Variants in WAC observed in about 807,000 individuals in gnomAD.
WAC encodes WW domain containing adaptor with coiled-coil, also known as WW domain-containing adapter protein with coiled-coil.
Under a neutral mutation model 79.6 loss-of-function variants are expected in WAC, and 11 were observed. The ratio of observed to expected loss-of-function variants is 0.14; its 90% CI spans 0.09 to 0.23. The LOEUF (loss-of-function observed/expected upper bound fraction) is 0.23. Ranked by LOEUF, WAC falls within the 10% of genes least tolerant of loss-of-function variation. The probability of loss-of-function intolerance (pLI) is 1.00; values close to 1 mark genes in which losing one functional copy is unlikely to be tolerated. For synonymous variants in WAC, 304 were observed against 276.9 expected (o/e 1.10, Z -0.97); for missense variants, 728 against 773.5 (o/e 0.94, Z 0.70).
At chr10:28,535,334 GGTTT>G in intron 2 of WAC, 1 of 349,468 alleles carries the variant, frequency 2.9e-6, no homozygotes. Flanking sequence ...TAATGGAGTG[GGTTT>G]TTTTTGTGTT....
chr10:28,621,177 T>G lies in WAC; in HGVS notation c.*1571T>G, dbSNP rs1564426057. On this transcript the variant is annotated 3_prime_UTR_variant, in exon 14 of 14. Transcript: ENST00000354911. ...TTAGAAAGGTGTTTCTTCTTCTTCT[T>G]CTTTTTTTTCTTTAAATTGGTTTAG... is the stretch of plus-strand genomic sequence containing the variant. 1 of 128,202 alleles carries G rather than the reference T, an allele frequency of 7.8e-6. No individual in the cohort carries two copies. The highest frequency in any genetic ancestry group is 1.8e-5 in the Non-Finnish European group (1 of 56,534). The allele number at this position is 128,202 out of a possible 1,614,324, so 7.9% of individuals were successfully genotyped here.
chr10:28,623,050 TAG>T lies in WAC; in HGVS notation c.*3446_*3447del, dbSNP rs1841746302. On this transcript the variant is annotated 3_prime_UTR_variant, in exon 14 of 14. Coordinates refer to ENST00000354911, the MANE Select transcript of WAC (RefSeq NM_016628.5). ...TTTCAGAACTGTGTTTTGAAAGTCT[TAG>T]AATGCATAATTTGCATTTGAGTAAG... The T allele has an allele frequency of 6.6e-6, 1 of 152,228 alleles. No homozygotes were observed. Among genetic ancestry groups the T allele is most frequent in the Non-Finnish European group, 1.5e-5 (1 of 68,038 alleles). The allele number at this position is 152,228 out of a possible 1,614,324, so 9.4% of individuals were successfully genotyped here. A position where few individuals can be genotyped will look rare whatever the true frequency, so the allele number is the denominator to read the frequency against.
rs1305994345 is a variant in WAC at position 28,619,854 on chromosome 10, T to C, written c.*248T>C. On this transcript the variant is annotated 3_prime_UTR_variant, in exon 14 of 14. Coordinates refer to ENST00000354911, the MANE Select transcript of WAC (RefSeq NM_016628.5). ...AAATATGTTTTGTAGAGTGAAGCCA[T>C]GGGAAGCCATGTGTAACAGAGCTTA... 6 of 324,386 alleles carry C rather than the reference T, an allele frequency of 1.8e-5. No individual in the cohort carries two copies. Among genetic ancestry groups the C allele is most frequent in the Non-Finnish European group, 3.3e-5 (6 of 180,122 alleles). The allele number at this position is 324,386 out of a possible 1,614,324, so 20.1% of individuals were successfully genotyped here. A position where few individuals can be genotyped will look rare whatever the true frequency, so the allele number is the denominator to read the frequency against.
chr10:28,536,119 C>T (rs899452903), intron 3 of WAC, among the ~76,000 whole-genome samples: 2 of 151,870 alleles, frequency 1.3e-5, no homozygotes, highest in Admixed American at 6.6e-5. Context: ...TGGTGGCAGG[C>T]GCCTGTAGTG....
intron 3 of WAC, among the ~76,000 whole-genome samples, chr10:28,541,533 C>A (rs968566478): frequency 2.8e-5 from 4 of 144,040 alleles, no homozygotes; most frequent in African/African-American, 1.0e-4. Flanking sequence ...CTGGCAAAAT[C>A]AGTTATTTGG....
chr10:28,598,149 G>A (rs546228809), intron 7 of WAC, among the ~76,000 whole-genome samples: 14 of 152,278 alleles, frequency 9.2e-5, no homozygotes, highest in South Asian at 6.2e-4. Flanking sequence ...CATTTAAATT[G>A]AATTGTGTCG....
At position 28,591,101 on chromosome 10, in the gene WAC, G is replaced by A. The variant is rs980806676; in HGVS notation, c.610+269G>A. The A allele has an allele frequency of 2.9e-5, 10 of 339,378 alleles. No homozygotes were observed. The East Asian group carries it at 8.3e-4, about 28-fold the overall frequency. 21.0% of individuals were successfully genotyped at this position (339,378 alleles called of 1,614,324 possible). A position where few individuals can be genotyped will look rare whatever the true frequency, so the allele number is the denominator to read the frequency against. On this transcript the variant is annotated intron_variant, in intron 6 of 13. Transcript: ENST00000354911. ...AAACAGTAAAATTTTGTTTTGGATT[G>A]GTTTCCCCTGATCCCCCCAGACAGG... is the stretch of plus-strand genomic sequence containing the variant.
intron 3 of WAC, among the ~76,000 whole-genome samples, chr10:28,552,256 T>C (rs777902427): frequency 2.0e-5 from 3 of 152,354 alleles, no homozygotes; most frequent in Non-Finnish European, 4.4e-5. Context: ...TAAAAAGCAC[T>C]AATTTTGTGG....
rs936375327 is a variant in WAC at position 28,610,559 on chromosome 10, C to T, written c.1166-140C>T. The T allele has an allele frequency of 2.7e-5, 21 of 790,138 alleles. 1 individual carries two copies. Among genetic ancestry groups the T allele is most frequent in the East Asian group, 2.1e-4 (7 of 32,980 alleles). 48.9% of individuals were successfully genotyped at this position (790,138 alleles called of 1,614,324 possible). A position where few individuals can be genotyped will look rare whatever the true frequency, so the allele number is the denominator to read the frequency against. On this transcript the variant is annotated intron_variant, in intron 8 of 13. Transcript: ENST00000354911. ...CAAATTTGGGACCCATTGTATTACT[C>T]CTATCTAGTAGGCTTTTATTTTGAG...
intron 3 of WAC, among the ~76,000 whole-genome samples, chr10:28,577,142 A>G (rs775201732): frequency 1.2e-4 from 19 of 152,168 alleles, no homozygotes; most frequent in Non-Finnish European, 2.4e-4. Flanking sequence ...CTGGTTAGCT[A>G]TAAGTTTCGC....
At chr10:28,617,512 C>T (rs1841524759) in intron 12 of WAC, 145 bp from the exon 13 acceptor site, 1 of 646,342 alleles carries the variant, frequency 1.5e-6, no homozygotes, top group African/African-American at 1.9e-5. Flanking sequence ...TAATTTTCCC[C>T]ATTAGGTTCA....
In WAC at chr10:28,579,168, A is replaced by G. The variant is rs139677300; in HGVS notation, c.275-4231A>G. On this transcript the variant is annotated intron_variant, in intron 3 of 13. Coordinates refer to ENST00000354911, the MANE Select transcript of WAC (RefSeq NM_016628.5). ...CTCACTGATACAGTATTTCTTGGGT[A>G]GATGAATTTTTTTTTTTTTTTGTCG... is the stretch of plus-strand genomic sequence containing the variant. 6.0e-3 allele frequency among the ~76,000 whole-genome samples: 901 copies of G among 151,148 alleles called. 13 individuals carry two copies. The highest frequency in any genetic ancestry group is 0.021 in the African/African-American group (856 of 40,924).
chr10:28,553,106 T>C (rs2132435910), intron 3 of WAC, among the ~76,000 whole-genome samples: 1 of 152,306 alleles, frequency 6.6e-6, no homozygotes, highest in Middle Eastern at 3.4e-3. Context: ...TCATTTAATA[T>C]TTTCATCAGT....
At chr10:28,570,298 A>T (rs765432894) in intron 3 of WAC, among the ~76,000 whole-genome samples, 3 of 152,214 alleles carry the variant, frequency 2.0e-5, no homozygotes, top group African/African-American at 4.8e-5. Flanking sequence ...TTTAGTGGGT[A>T]TTACAGGTAT....
intron 2 of WAC, chr10:28,534,451 C>T (rs942809962): frequency 5.9e-6 from 1 of 170,538 alleles, no homozygotes; most frequent in Non-Finnish European, 1.2e-5. Flanking sequence ...AGCTAAATGA[C>T]TTACAACTTT....
At chr10:28,534,212 G>C in intron 2 of WAC, 178 bp downstream of exon 2, 1 of 526,044 alleles carries the variant, frequency 1.9e-6, no homozygotes, top group Non-Finnish European at 3.2e-6. Context: ...CTCCAGCAAG[G>C]TTTAGTGACT....
chr10:28,586,173 T>G (rs544759201), intron 4 of WAC, among the ~76,000 whole-genome samples: 267 of 152,286 alleles, frequency 1.8e-3, no homozygotes, highest in African/African-American at 5.5e-3. Flanking sequence ...ACACAGATAT[T>G]TGGGTATGTG....
intron 3 of WAC, among the ~76,000 whole-genome samples, chr10:28,544,600 C>T (rs1305184829): frequency 2.0e-5 from 3 of 152,138 alleles, no homozygotes; most frequent in Non-Finnish European, 2.9e-5. Flanking sequence ...CCTATAGCTA[C>T]TTCTAAAGCT....
intron 4 of WAC, chr10:28,588,597 G>A (rs371949455): frequency 6.6e-6 from 1 of 152,126 alleles, no homozygotes; most frequent in Non-Finnish European, 1.5e-5. Flanking sequence ...CTGGGCCAAG[G>A]GTAAGGCAGT....
Sources: gnomAD v4.1 joint callset for allele counts (sites outside exome capture counted in the v4.1 genomes callset) on GRCh38, gnomAD v4.1.1 for gene constraint, MANE v1.5 for transcripts, NCBI Gene and HGNC (gene_info 2026-07-23, HGNC 2026-07-21) for gene names.